ITPR2: variants seen among roughly 807,000 people sequenced by gnomAD.
ITPR2 encodes inositol 1,4,5-trisphosphate receptor type 2, also known as inositol 1,4,5-trisphosphate-gated calcium channel ITPR2.
In ITPR2, 207 loss-of-function variants were observed where a neutral mutation model predicts 317.1. The ratio of observed to expected loss-of-function variants is 0.65; its 90% CI spans 0.58 to 0.73. ITPR2 has a LOEUF of 0.73. Ranked by LOEUF, ITPR2 falls within the 30% of genes least tolerant of loss-of-function variation. ITPR2 has a pLI of 0.00. For synonymous variants in ITPR2, 1,156 were observed against 1,149.1 expected (o/e 1.01, Z -0.12); for missense variants, 2,613 against 3,284.0 (o/e 0.80, Z 4.99).
intron 1 of ITPR2, among the ~76,000 whole-genome samples, chr12:26,819,771 A>C (rs1950911696): frequency 6.6e-6 from 1 of 152,130 alleles, no homozygotes; most frequent in African/African-American, 2.4e-5. Context: ...TCATTAAAAA[A>C]AAAAGGCCAT....
At chr12:26,807,178 G>A (rs947362008) in intron 1 of ITPR2, among the ~76,000 whole-genome samples, 3 of 151,160 alleles carry the variant, frequency 2.0e-5, no homozygotes, top group Admixed American at 6.6e-5. Flanking sequence ...AACAGAGCAA[G>A]ACTCTGTCTC....
At chr12:26,529,618 G>A (rs1218794609) in intron 37 of ITPR2, among the ~76,000 whole-genome samples, 1 of 152,186 alleles carries the variant, frequency 6.6e-6, no homozygotes, top group African/African-American at 2.4e-5. Flanking sequence ...GGGTTCTAAT[G>A]CCAGCTGGGT....
At chr12:26,801,478 C>G (rs1343289396) in intron 1 of ITPR2, among the ~76,000 whole-genome samples, 1 of 152,206 alleles carries the variant, frequency 6.6e-6, no homozygotes, top group African/African-American at 2.4e-5. Flanking sequence ...ATGCCTGGAA[C>G]CAAGATGCTG....
chr12:26,676,434 G>A (rs1483658895), intron 13 of ITPR2, among the ~76,000 whole-genome samples: 2 of 149,710 alleles, frequency 1.3e-5, no homozygotes, highest in East Asian at 3.9e-4. Context: ...CCAAGATCAC[G>A]CCACTGCATT....
intron 21 of ITPR2, among the ~76,000 whole-genome samples, chr12:26,638,292 T>C (rs538948190): frequency 1.3e-5 from 2 of 152,358 alleles, no homozygotes; most frequent in South Asian, 2.1e-4. Flanking sequence ...TAAATGAATG[T>C]ACATGCTGTT....
intron 55 of ITPR2, among the ~76,000 whole-genome samples, chr12:26,342,454 G>C (rs1215707864): frequency 2.1e-5 from 3 of 140,818 alleles, no homozygotes; most frequent in African/African-American, 7.9e-5. Flanking sequence ...TTGATCTCCA[G>C]TTTTGGAAGT....
intron 35 of ITPR2, among the ~76,000 whole-genome samples, chr12:26,560,148 C>G (rs1944773725): frequency 6.6e-6 from 1 of 152,296 alleles, no homozygotes; most frequent in East Asian, 1.9e-4. Context: ...GGCACACCCT[C>G]TCTGTGCTGG....
chr12:26,621,012 G>A, intron 26 of ITPR2, 111 bp downstream of exon 26: 2 of 989,216 alleles, frequency 2.0e-6, no homozygotes, highest in Non-Finnish European at 3.0e-6. Context: ...GTGCTCTGTT[G>A]CTCAGAACAG....
chr12:26,486,208 C>T lies in ITPR2; in HGVS notation c.5707G>A (p.Glu1903Lys). ...CTGPEAGNTEEKSAEEVTMSP... is the reference protein window; with the variant it reads ...CTGPEAGNTEKKSAEEVTMSP... ...ATTGTTACTTCCTCTGCGGATTTTT[C>T]CTCAGTGTTTCCCGCTTCTGGTCCT... The change falls in exon 41 of 57, where the codon GAA becomes AAA. Residue 1903 changes from glutamate (E) to lysine (K), a missense_variant. Physicochemically the swap from Glu to Lys is moderately conservative, Grantham distance 56 (BLOSUM62 1). Coordinates refer to ENST00000381340, the MANE Select transcript of ITPR2 (RefSeq NM_002223.4). The T allele has an allele frequency of 6.2e-7, 1 of 1,614,074 alleles. No homozygotes were observed. Among genetic ancestry groups the T allele is most frequent in the African/African-American group, 1.3e-5 (1 of 75,012 alleles).
At chr12:26,653,915 T>C (rs1415981119) in intron 21 of ITPR2, 61 bp downstream of exon 21, 2 of 1,411,834 alleles carry the variant, frequency 1.4e-6, no homozygotes, top group African/African-American at 2.8e-5. Flanking sequence ...TCTGTAGTTT[T>C]GTTTTTTATC....
chr12:26,556,791 A>AT (rs367688811), intron 35 of ITPR2, among the ~76,000 whole-genome samples: 1 of 94,728 alleles, frequency 1.1e-5, no homozygotes, highest in Non-Finnish European at 2.3e-5. Flanking sequence ...AAAAAAAAAA[A>AT]ATTCCAGCCA....
At chr12:26,564,509 CT>C (rs1944898446) in intron 34 of ITPR2, among the ~76,000 whole-genome samples, 1 of 152,176 alleles carries the variant, frequency 6.6e-6, no homozygotes. Flanking sequence ...ATCACTCCCC[CT>C]GAATGTGACC....
intron 37 of ITPR2, among the ~76,000 whole-genome samples, chr12:26,536,109 T>C (rs1241380040): frequency 6.6e-6 from 1 of 152,218 alleles, no homozygotes; most frequent in Non-Finnish European, 1.5e-5. Flanking sequence ...TAGAAGCTTT[T>C]TTTGTACAAG....
intron 21 of ITPR2, among the ~76,000 whole-genome samples, chr12:26,638,534 C>T (rs1473570807): frequency 6.6e-6 from 1 of 152,160 alleles, no homozygotes; most frequent in Non-Finnish European, 1.5e-5. Context: ...ACCACAGACA[C>T]ATGTATTGGC....
At position 26,387,479 on chromosome 12, in the gene ITPR2, T is replaced by C. The variant is rs769494354; in HGVS notation, c.7812A>G (p.Pro2604=). ...YFIVLVKVKD[P]TEYTGPESYV... is the part of the protein sequence containing the mutation. ...AACTTTCAGGTCCAGTGTATTCTGT[T>C]GGGTCTTTAACTTTCACCAGGACTA... Residue 2604 remains proline (P), a synonymous_variant, in exon 55 of 57, where the codon CCA becomes CCG. Transcript: ENST00000381340. The C allele has an allele frequency of 5.0e-6, 8 of 1,613,910 alleles. No homozygotes were observed. The highest frequency in any genetic ancestry group is 3.3e-5 in the Admixed American group (2 of 60,022).
At chr12:26,570,906 T>C (rs1425730354) in intron 34 of ITPR2, among the ~76,000 whole-genome samples, 2 of 152,226 alleles carry the variant, frequency 1.3e-5, no homozygotes, top group Non-Finnish European at 2.9e-5. Context: ...GGTGTACATT[T>C]ACTGCAGAGC....
chr12:26,438,212 G>T (rs1339339128), intron 47 of ITPR2, among the ~76,000 whole-genome samples: 1 of 152,058 alleles, frequency 6.6e-6, no homozygotes, highest in Non-Finnish European at 1.5e-5. Flanking sequence ...AAATGCTAAG[G>T]GAGAATAATT....
intron 30 of ITPR2, among the ~76,000 whole-genome samples, chr12:26,597,708 G>A (rs1945883393): frequency 6.6e-6 from 1 of 151,982 alleles, no homozygotes; most frequent in African/African-American, 2.4e-5. Context: ...ATATGAATAG[G>A]TAGGGTCTTT....
At chr12:26,699,733 A>G (rs1948411920) in intron 9 of ITPR2, among the ~76,000 whole-genome samples, 1 of 152,194 alleles carries the variant, frequency 6.6e-6, no homozygotes, top group South Asian at 2.1e-4. Context: ...TACCAACGTT[A>G]ACTATTAAAG....
Sources: gnomAD v4.1 joint callset for allele counts (sites outside exome capture counted in the v4.1 genomes callset) on GRCh38, gnomAD v4.1.1 for gene constraint, MANE v1.5 for transcripts, NCBI Gene and HGNC (gene_info 2026-07-23, HGNC 2026-07-21) for gene names.